Variants in TRDN observed in about 807,000 individuals in gnomAD.
The protein encoded by TRDN is triadin in skeletal muscle.
TRDN carries 161 observed loss-of-function variants against 149.7 expected under a neutral mutation model. The observed-to-expected ratio is 1.08, with a 90% CI of 0.95 to 1.23. The LOEUF (loss-of-function observed/expected upper bound fraction) is 1.23, where lower values mean the gene tolerates loss of function less well. Ranked by LOEUF, TRDN falls within the 50% of genes most tolerant of loss-of-function variation. The probability of loss-of-function intolerance (pLI) is 0.00; values close to 1 mark genes in which losing one functional copy is unlikely to be tolerated. For missense variants in TRDN, 896 were observed against 823.5 expected (o/e 1.09, Z -1.08); for synonymous variants, 294 against 250.5 (o/e 1.17, Z -1.64).
chr6:123,374,834 C>T (rs1348402127), intron 19 of TRDN, among the ~76,000 whole-genome samples: 2 of 151,896 alleles, frequency 1.3e-5, no homozygotes, highest in African/African-American at 2.4e-5. Context: ...AAATAACAGG[C>T]ATTTGTTTTA....
chr6:123,561,923 A>G (rs543325465), intron 2 of TRDN, among the ~76,000 whole-genome samples: 5 of 152,234 alleles, frequency 3.3e-5, no homozygotes, highest in African/African-American at 9.6e-5. Context: ...TCTTATTAAT[A>G]TAAGAAGACA....
intron 10 of TRDN, among the ~76,000 whole-genome samples, chr6:123,441,604 T>G (rs1774893721): frequency 6.6e-6 from 1 of 152,220 alleles, no homozygotes; most frequent in Admixed American, 6.5e-5. Flanking sequence ...TATTAGCTTC[T>G]GCATAAATTA....
chr6:123,550,816 A>G (rs571583606), intron 2 of TRDN, among the ~76,000 whole-genome samples: 1 of 152,100 alleles, frequency 6.6e-6, no homozygotes, highest in East Asian at 1.9e-4. Flanking sequence ...TCCATGATTC[A>G]TTGATAATGT....
rs770488451 is a variant in TRDN, at chr6:123,571,075, G to C, written c.80C>G (p.Ser27Cys). ...IDSKNGSVPK[S>C]PGKVLKRTVT... ...TGTCCTCTTCAGCACTTTTCCGGGGGATTTGGGCACAGATCCATTTTTGCT... is the reference window on the plus strand; with the variant it reads ...TGTCCTCTTCAGCACTTTTCCGGGGCATTTGGGCACAGATCCATTTTTGCT... Residue 27 changes from serine to cysteine, a missense_variant, in exon 2 of 41, where the codon TCC (serine) becomes TGC (cysteine). Coordinates refer to ENST00000334268, the MANE Select transcript of TRDN (RefSeq NM_006073.4). 1 of 1,613,980 alleles carries C rather than the reference G, an allele frequency of 6.2e-7. No individual in the cohort carries two copies.
rs753798680 is a variant in TRDN, at chr6:123,274,677, G to A, written c.1568-7C>T. ...TCTTTTTTAATTTGGGGCTCTGAGG[G>A]AGAGAAAAGGCAGAAAATTTAAAAC... On this transcript the variant is annotated splice_region_variant and splice_polypyrimidine_tract_variant and intron_variant, in intron 26 of 40. Coordinates refer to ENST00000334268, the MANE Select transcript of TRDN (RefSeq NM_006073.4). The A allele has an allele frequency of 2.5e-6, 4 of 1,606,582 alleles. No individual in the cohort carries two copies. The South Asian group carries it at 4.5e-5, about 18-fold the overall frequency.
At chr6:123,339,226 A>G (rs1779980523) in intron 21 of TRDN, among the ~76,000 whole-genome samples, 1 of 152,116 alleles carries the variant, frequency 6.6e-6, no homozygotes, top group Non-Finnish European at 1.5e-5. Flanking sequence ...GCTGGTCTCG[A>G]ACTCCTGACC....
intron 8 of TRDN, 56 bp downstream of exon 8, chr6:123,503,663 C>T (rs766649367): frequency 1.3e-5 from 21 of 1,608,078 alleles, no homozygotes; most frequent in Non-Finnish European, 1.8e-5. Context: ...ACTGCATGTG[C>T]TTCTTGCCCA....
intron 1 of TRDN, among the ~76,000 whole-genome samples, chr6:123,625,905 T>A (rs1457068465): frequency 1.3e-5 from 2 of 152,136 alleles, no homozygotes; most frequent in Admixed American, 6.6e-5. Flanking sequence ...CTGAAGCAAT[T>A]ACTTAAAATA....
chr6:123,570,702 G>A (rs1782525879), intron 2 of TRDN, among the ~76,000 whole-genome samples: 1 of 151,954 alleles, frequency 6.6e-6, no homozygotes, highest in African/African-American at 2.4e-5. Flanking sequence ...TGCAAATAAG[G>A]ATATCAATTT....
In TRDN at chr6:123,529,029, T is replaced by C. The variant is rs2114329080; in HGVS notation, c.484+1477A>G. 9 of 1,366,710 alleles carry C rather than the reference T, an allele frequency of 6.6e-6. No homozygotes were observed. In the South Asian group the frequency reaches 1.1e-4, roughly 16 times the overall value. 84.7% of individuals were successfully genotyped at this position (1,366,710 alleles called of 1,614,324 possible). The stretch of plus-strand genomic sequence containing the variant: ...GGAAGACTTGCTAGTTTAATAAACC[T>C]ACTCTACAGCCCACTGCTCGGTCTT... On this transcript the variant is annotated intron_variant, in intron 5 of 40. Coordinates refer to ENST00000334268, the MANE Select transcript of TRDN (RefSeq NM_006073.4).
intron 39 of TRDN, among the ~76,000 whole-genome samples, chr6:123,221,912 T>C (rs182512529): frequency 1.2e-3 from 188 of 151,792 alleles, no homozygotes; most frequent in Admixed American, 2.4e-3. Flanking sequence ...TTAGTCAAAA[T>C]AATCCCAAAT....
intron 29 of TRDN, among the ~76,000 whole-genome samples, chr6:123,271,583 G>C (rs1279918111): frequency 1.3e-5 from 2 of 151,990 alleles, no homozygotes; most frequent in African/African-American, 4.8e-5. Context: ...ACCTCCCTGG[G>C]AACCCAGGAA....
intron 1 of TRDN, among the ~76,000 whole-genome samples, chr6:123,629,990 A>G (rs1210736099): frequency 6.6e-6 from 1 of 152,034 alleles, no homozygotes; most frequent in Non-Finnish European, 1.5e-5. Context: ...TCTCTGTAAA[A>G]AACCAAGCCT....
Position 123,255,878 on chromosome 6 carries a change from C to T in TRDN, c.1895G>A (p.Arg632Lys), listed in dbSNP as rs181571822. ...TTTTAAAAAATTACCTTTTTCTTCT[C>T]TAAGATGCTTCATGTCTGCTTTTTC... ...SKEKADMKHL[R>K]EEKVSTRKES... Residue 632 changes from arginine (R) to lysine (K), a missense_variant, in exon 36 of 41, where the codon AGA becomes AAA. Transcript: ENST00000334268. The T allele has an allele frequency of 7.2e-5, 97 of 1,352,796 alleles. No homozygotes were observed. In the African/African-American group the frequency reaches 1.2e-3, roughly 17 times the overall value. The allele number at this position is 1,352,796 out of a possible 1,614,324, so 83.8% of individuals were successfully genotyped here. A position where few individuals can be genotyped will look rare whatever the true frequency, so the allele number is the denominator to read the frequency against.
intron 10 of TRDN, among the ~76,000 whole-genome samples, chr6:123,455,653 T>C (rs1464189477): frequency 3.9e-5 from 6 of 151,916 alleles, no homozygotes; most frequent in Non-Finnish European, 5.9e-5. Context: ...TGTTTGTTTG[T>C]TTGGTGTTGC....
At chr6:123,416,866 T>C (rs1297980668) in intron 12 of TRDN, among the ~76,000 whole-genome samples, 2 of 152,098 alleles carry the variant, frequency 1.3e-5, no homozygotes, top group African/African-American at 4.8e-5. Flanking sequence ...CAAGCCTAGC[T>C]AATTTTTTGT....
intron 1 of TRDN, among the ~76,000 whole-genome samples, chr6:123,621,538 T>C (rs1360344517): frequency 6.6e-6 from 1 of 152,022 alleles, no homozygotes. Flanking sequence ...GAAACAAAAA[T>C]CTATTGGATA....
intron 12 of TRDN, among the ~76,000 whole-genome samples, chr6:123,437,004 C>T (rs1306556201): frequency 2.0e-5 from 3 of 152,102 alleles, no homozygotes; most frequent in Non-Finnish European, 1.5e-5. Flanking sequence ...AACCATAATA[C>T]TTGAGATGAT....
intron 24 of TRDN, among the ~76,000 whole-genome samples, chr6:123,293,239 A>C (rs566950506): frequency 3.3e-4 from 51 of 152,268 alleles, no homozygotes; most frequent in African/African-American, 1.2e-3. Flanking sequence ...GTGATGCTGA[A>C]ATATTCAAAC....
Sources: gnomAD v4.1 joint callset for allele counts (sites outside exome capture counted in the v4.1 genomes callset) on GRCh38, gnomAD v4.1.1 for gene constraint, MANE v1.5 for transcripts, NCBI Gene and HGNC (gene_info 2026-07-23, HGNC 2026-07-21) for gene names.